Variants in SLC24A2 observed in about 807,000 individuals in gnomAD.
The protein encoded by SLC24A2 is sodium/potassium/calcium exchanger 2.
In SLC24A2, 36 loss-of-function variants were observed where a neutral mutation model predicts 62.0. The observed-to-expected ratio is 0.58, with a 90% CI of 0.44 to 0.77. The LOEUF (loss-of-function observed/expected upper bound fraction) is 0.77, where lower values mean the gene tolerates loss of function less well. SLC24A2 is among the 30% of genes least tolerant of loss of function. SLC24A2 has a pLI of 0.00. For missense variants in SLC24A2, 846 were observed against 817.9 expected, an observed-to-expected ratio of 1.03 and a Z score of -0.42; for synonymous variants, 358 against 294.0, an observed-to-expected ratio of 1.22 and a Z score of -2.23.
chr9:19,810,086 A>G, the SLC24A2 span, among the ~76,000 whole-genome samples: 3 of 152,288 alleles, frequency 2.0e-5, no homozygotes, highest in Admixed American at 2.0e-4. Flanking sequence ...GGCTAGAACT[A>G]TAGCAAGCAG....
chr9:19,516,121 C>A lies in SLC24A2; in HGVS notation c.*32G>T. ...GAGCCCAGAGTGTGGAGGGACCATT[C>A]ATGCTGCTGGTGCAAGATATGGCTT... On this transcript the variant is annotated 3_prime_UTR_variant, in exon 11 of 11. Transcript: ENST00000341998. The A allele has an allele frequency of 1.2e-6, 2 of 1,613,636 alleles. No homozygotes were observed. The highest frequency in any genetic ancestry group is 1.1e-5 in the South Asian group (1 of 90,880).
chr9:20,161,841 G>C, the SLC24A2 span, among the ~76,000 whole-genome samples: 8 of 150,850 alleles, frequency 5.3e-5, no homozygotes, highest in African/African-American at 1.9e-4. Context: ...AGTTAATGAG[G>C]ATATGCTACA....
chr9:20,021,146 T>C, the SLC24A2 span, among the ~76,000 whole-genome samples: 1 of 152,178 alleles, frequency 6.6e-6, no homozygotes, highest in African/African-American at 2.4e-5. Context: ...TCACATTAAG[T>C]AACTGTTTTT....
the SLC24A2 span, among the ~76,000 whole-genome samples, chr9:20,226,011 A>G: frequency 1.3e-5 from 2 of 152,150 alleles, no homozygotes; most frequent in Admixed American, 6.6e-5. Context: ...GGGATCATAC[A>G]GTTTGTCAAT....
chr9:19,758,453 A>T (rs1822212188), intron 2 of SLC24A2, among the ~76,000 whole-genome samples: 1 of 152,218 alleles, frequency 6.6e-6, no homozygotes, highest in South Asian at 2.1e-4. Context: ...TGTTTGTGGG[A>T]TCAGAAAGTT....
the SLC24A2 span, among the ~76,000 whole-genome samples, chr9:20,135,051 T>C: frequency 3.3e-5 from 5 of 152,168 alleles, no homozygotes. Flanking sequence ...TAAGCAGACA[T>C]CTTTTTAGAA....
chr9:19,636,371 C>CTTTCTTTCT (rs1564009963), intron 2 of SLC24A2, among the ~76,000 whole-genome samples: 4 of 33,550 alleles, frequency 1.2e-4, no homozygotes, highest in Non-Finnish European at 1.7e-4. Flanking sequence ...TTCTTTCTTT[C>CTTTCTTTCT]TTTCTTTCTT....
In SLC24A2 at chr9:19,513,086, A is replaced by T. The variant is rs1180990981; in HGVS notation, c.*3067T>A. ...TGATGCTCCCTGCTTTAGAATCCTG[A>T]ATGTGATAGGGTCAGAGGGTGATGA... On this transcript the variant is annotated 3_prime_UTR_variant, in exon 11 of 11. Coordinates refer to ENST00000341998, the MANE Select transcript of SLC24A2 (RefSeq NM_020344.4). 1 of 149,490 alleles carries T rather than the reference A, an allele frequency of 6.7e-6. No homozygotes were observed. The highest frequency in any genetic ancestry group is 2.5e-5 in the African/African-American group (1 of 40,448). The allele number at this position is 149,490 out of a possible 1,614,324, so 9.3% of individuals were successfully genotyped here. A position where few individuals can be genotyped will look rare whatever the true frequency, so the allele number is the denominator to read the frequency against.
chr9:20,163,621 G>GA, the SLC24A2 span, among the ~76,000 whole-genome samples: 1 of 151,960 alleles, frequency 6.6e-6, no homozygotes, highest in Non-Finnish European at 1.5e-5. Context: ...CACAGAATTG[G>GA]AAAAAACTAC....
the SLC24A2 span, among the ~76,000 whole-genome samples, chr9:19,870,532 G>C: frequency 6.6e-6 from 1 of 152,122 alleles, no homozygotes; most frequent in African/African-American, 2.4e-5. Flanking sequence ...CTTAGGAGTA[G>C]TATTACTGAG....
intron 9 of SLC24A2, among the ~76,000 whole-genome samples, chr9:19,526,413 G>C (rs1423627106): frequency 6.6e-6 from 1 of 152,158 alleles, no homozygotes; most frequent in South Asian, 2.1e-4. Flanking sequence ...TTAATGTTTT[G>C]TGGAACTGCC....
the SLC24A2 span, among the ~76,000 whole-genome samples, chr9:20,242,719 T>C: frequency 6.6e-6 from 1 of 152,250 alleles, no homozygotes; most frequent in Non-Finnish European, 1.5e-5. Context: ...AACATCCTAA[T>C]GCTAATTAAA....
the SLC24A2 span, among the ~76,000 whole-genome samples, chr9:20,276,356 G>T: frequency 6.6e-6 from 1 of 152,210 alleles, no homozygotes; most frequent in Non-Finnish European, 1.5e-5. Flanking sequence ...GCAAATTAAA[G>T]CTCCAAAATG....
chr9:20,211,672 A>C, the SLC24A2 span, among the ~76,000 whole-genome samples: 2 of 152,208 alleles, frequency 1.3e-5, no homozygotes, highest in Admixed American at 6.5e-5. Flanking sequence ...ATTAGAAATA[A>C]GGTGTAAAAT....
At chr9:19,896,974 G>A in the SLC24A2 span, among the ~76,000 whole-genome samples, 4 of 152,138 alleles carry the variant, frequency 2.6e-5, no homozygotes, top group Non-Finnish European at 5.9e-5. Context: ...CTCATTTGGC[G>A]AGTAGGAGTT....
At chr9:20,073,496 A>C in the SLC24A2 span, among the ~76,000 whole-genome samples, 1 of 152,146 alleles carries the variant, frequency 6.6e-6, no homozygotes, top group South Asian at 2.1e-4. Context: ...ACCAACACTT[A>C]AGGGGAGGGA....
chr9:20,058,906 T>C, the SLC24A2 span, among the ~76,000 whole-genome samples: 1 of 152,360 alleles, frequency 6.6e-6, no homozygotes, highest in African/African-American at 2.4e-5. Flanking sequence ...TGCTTCAAAA[T>C]GCTACTTTGA....
the SLC24A2 span, among the ~76,000 whole-genome samples, chr9:19,949,909 C>CT: frequency 3.9e-5 from 6 of 152,194 alleles, no homozygotes; most frequent in Non-Finnish European, 8.8e-5. Context: ...CACGGAGTGC[C>CT]TTGCTAATCG....
the SLC24A2 span, among the ~76,000 whole-genome samples, chr9:20,250,960 TC>T: frequency 6.6e-6 from 1 of 152,104 alleles, no homozygotes; most frequent in South Asian, 2.1e-4. Context: ...ATTAATTAGA[TC>T]ACTGAGATGC....
Sources: allele counts gnomAD v4.1 joint callset (sites outside exome capture counted in the v4.1 genomes callset), GRCh38; gene constraint gnomAD v4.1.1; transcripts MANE v1.5; gene names NCBI Gene and HGNC (gene_info 2026-07-23, HGNC 2026-07-21).